HYOU1: variants seen among roughly 807,000 people sequenced by gnomAD.
The protein encoded by HYOU1 is hypoxia up-regulated protein 1.
In HYOU1, 40 loss-of-function variants were observed where a neutral mutation model predicts 120.5. The observed-to-expected ratio is 0.33, with a 90% CI of 0.26 to 0.43. The LOEUF is 0.43. Ranked by LOEUF, HYOU1 falls within the 20% of genes least tolerant of loss-of-function variation. HYOU1 has a pLI of 1.00. For missense variants in HYOU1, 1,085 were observed against 1,278.3 expected, an observed-to-expected ratio of 0.85 and a Z score of 2.31; for synonymous variants, 501 against 479.4, an observed-to-expected ratio of 1.05 and a Z score of -0.59.
chr11:119,053,172 T>G (rs1289201234), intron 8 of HYOU1: 12 of 246,582 alleles, frequency 4.9e-5, no homozygotes, highest in Non-Finnish European at 9.4e-5. Context: ...ACGTCACATG[T>G]TGTAAAGGTG....
Position 119,049,285 on chromosome 11 carries a change from G to A in HYOU1, c.1807-82C>T, listed in dbSNP as rs2133571673. ...CCTGGCTCGGCACCGCCGACCCCAT[G>A]GGGGTTCCATACAGGTGACTGCTGT... On this transcript the variant is annotated intron_variant, in intron 16 of 25. Transcript: ENST00000617285. The A allele has an allele frequency of 2.2e-5, 35 of 1,586,254 alleles. No homozygotes were observed. In the African/African-American group the frequency reaches 3.2e-4, roughly 15 times the overall value.
rs2133588289 is a variant in HYOU1 at position 119,051,845 on chromosome 11, G to A, written c.1312C>T (p.Arg438Ter). 1 of 1,614,172 alleles carries A rather than the reference G, an allele frequency of 6.2e-7. No individual in the cohort carries two copies. The highest frequency in any genetic ancestry group is 8.5e-7 in the Non-Finnish European group (1 of 1,180,038). The change falls in exon 12 of 26, where the codon CGA becomes TGA. Residue 438 changes from arginine to a stop codon, truncating the protein, a stop_gained. Transcript: ENST00000617285. LOFTEE classifies it high-confidence loss of function. This position sits in a 1 kb window ranked among gnomAD's most constrained non-coding sequence, Gnocchi z 4.2. ...AGGATGGGGTAGACCACTGCATCTC[G>A]GACGACAAATGGCTTCACTTTAAAG... is the stretch of plus-strand genomic sequence containing the variant. ...KAFKVKPFVVRDAVVYPILVE... is the reference protein window; with the variant it reads ...KAFKVKPFVV
rs1944010453 is a variant in HYOU1 at position 119,045,540 on chromosome 11, T to C, written c.*53A>G. 1.4e-6 allele frequency: 2 copies of C among 1,451,032 alleles called. No individual in the cohort carries two copies. The highest frequency in any genetic ancestry group is 1.4e-5 in the African/African-American group (1 of 71,700). The allele number at this position is 1,451,032 out of a possible 1,614,324, so 89.9% of individuals were successfully genotyped here. A position where few individuals can be genotyped will look rare whatever the true frequency, so the allele number is the denominator to read the frequency against. On this transcript the variant is annotated 3_prime_UTR_variant, in exon 26 of 26. Coordinates refer to ENST00000617285, the MANE Select transcript of HYOU1 (RefSeq NM_006389.5). Reference sequence around the variant, plus strand: ...CCCCCAACCCTCGATGTTAAATAAATAGAAGTGGTGGGGGAAGGGGGTGGA... The same window carrying C: ...CCCCCAACCCTCGATGTTAAATAAACAGAAGTGGTGGGGGAAGGGGGTGGA...
At chr11:119,054,963 G>A in intron 6 of HYOU1, 21 bp downstream of exon 6, 1 of 1,611,824 alleles carries the variant, frequency 6.2e-7, no homozygotes, top group South Asian at 1.1e-5. Flanking sequence ...TGGCCCTAAG[G>A]GCCCCACCTT....
In HYOU1 at chr11:119,054,581, G is replaced by A. The variant is rs200421260; in HGVS notation, c.591C>T (p.Leu197=). Residue 197 remains leucine (L), a synonymous_variant, in exon 7 of 26, where the codon CTC becomes CTT. Coordinates refer to ENST00000617285, the MANE Select transcript of HYOU1 (RefSeq NM_006389.5). ...TGTCATTGATGAGCTGCAGCACTTT[G>A]AGGCCAGCCATACGAGCAGCCTGCA... ...AVLQAARMAG[L]KVLQLINDNT... is the part of the protein sequence containing the mutation. The A allele has an allele frequency of 4.3e-6, 7 of 1,614,198 alleles. No individual in the cohort carries two copies. The East Asian group carries it at 1.3e-4, about 31-fold the overall frequency.
Position 119,046,556 on chromosome 11 carries a change from T to C in HYOU1, c.2836+6A>G. On this transcript the variant is annotated splice_donor_region_variant and intron_variant, in intron 23 of 25. Transcript: ENST00000617285. ...CAGAACATGCAGCCAGGTACCCTGT[T>C]CTCACCTGCTGGAGGGATGACCTTC... 6.2e-7 allele frequency: 1 copy of C among 1,613,862 alleles called. No homozygotes were observed. Among genetic ancestry groups the C allele is most frequent in the Middle Eastern group, 1.6e-4 (1 of 6,062 alleles).
chr11:119,056,290 C>G (rs1362247900), intron 1 of HYOU1, 123 bp from the exon 2 acceptor site: 1 of 745,568 alleles, frequency 1.3e-6, no homozygotes, highest in Non-Finnish European at 2.4e-6. Context: ...CAGGGCAGAT[C>G]AGCCTACTTC....
At chr11:119,047,502 G>A in intron 22 of HYOU1, 1 of 497,462 alleles carries the variant, frequency 2.0e-6, no homozygotes, top group East Asian at 3.7e-5. Context: ...CCTCAAAGCA[G>A]CTTTCTCTGT....
In HYOU1 at chr11:119,049,842, A is replaced by C; in HGVS notation, c.1666-5T>G. 2 of 1,613,630 alleles carry C rather than the reference A, an allele frequency of 1.2e-6. No homozygotes were observed. Among genetic ancestry groups the C allele is most frequent in the Non-Finnish European group, 1.7e-6 (2 of 1,179,564 alleles). ...TGTCTCAAATACAGACTCCACCTGAAAACAGGTTCAAAATGAAAAAATACA... is the reference window on the plus strand; with the variant it reads ...TGTCTCAAATACAGACTCCACCTGACAACAGGTTCAAAATGAAAAAATACA... On this transcript the variant is annotated splice_region_variant and splice_polypyrimidine_tract_variant and intron_variant, in intron 14 of 25. Transcript: ENST00000617285.
In HYOU1 at chr11:119,046,563, T is replaced by G; in HGVS notation, c.2835A>C (p.Ala945=). The G allele has an allele frequency of 6.2e-7, 1 of 1,613,846 alleles. No homozygotes were observed. Among genetic ancestry groups the G allele is most frequent in the Non-Finnish European group, 8.5e-7 (1 of 1,179,788 alleles). Residue 945 remains alanine (A), a splice_region_variant and synonymous_variant, in exon 23 of 26, where the codon GCA becomes GCC. Transcript: ENST00000617285. ...TGCAGCCAGGTACCCTGTTCTCACC[T>G]GCTGGAGGGATGACCTTCTCCCCCT... is the stretch of plus-strand genomic sequence containing the variant. The part of the protein sequence containing the change: ...SDQGEKVIPP[A]GQTEDAEPIS...
intron 16 of HYOU1, 44 bp from the exon 17 acceptor site, chr11:119,049,247 G>T: frequency 6.3e-7 from 1 of 1,590,646 alleles, no homozygotes. Context: ...CAGGAGCAGA[G>T]CCTCCAGGCA....
chr11:119,055,418 T>G lies in HYOU1; in HGVS notation c.264+75A>C. On this transcript the variant is annotated intron_variant, in intron 4 of 25. Coordinates refer to ENST00000617285, the MANE Select transcript of HYOU1 (RefSeq NM_006389.5). The surrounding 1 kb of genome is among the most constrained non-coding windows in gnomAD (Gnocchi z 4.0). ...CTACCTCTTACATCACAGAGACTGA[T>G]AAGGAAACAGACTCTGGGGGCTGCC... The G allele has an allele frequency of 1.4e-5, 22 of 1,607,912 alleles. No homozygotes were observed. Among genetic ancestry groups the G allele is most frequent in the Non-Finnish European group, 1.8e-5 (21 of 1,174,882 alleles).
rs2133590539 is a variant in HYOU1, at chr11:119,052,132, C to T, written c.1163G>A (p.Arg388Gln). The T allele has an allele frequency of 6.2e-7, 1 of 1,614,168 alleles. No homozygotes were observed. Among genetic ancestry groups the T allele is most frequent in the East Asian group, 2.2e-5 (1 of 44,880 alleles). ...EQVILVGGATRVPRVQEVLLK... is the reference protein window; with the variant it reads ...EQVILVGGATQVPRVQEVLLK... ...CAGCACCTCCTGAACTCTGGGGACC[C>T]GAGTGGCCCCACCCACCAGGATCAC... is the stretch of plus-strand genomic sequence containing the variant. The change falls in exon 11 of 26, where the codon CGG becomes CAG. Residue 388 changes from arginine (R) to glutamine (Q), a missense_variant. By Grantham distance (43) the Arg-to-Gln change is conservative (BLOSUM62 1). Around this residue, in one of 4 missense-constraint regions of HYOU1, gnomAD observed 515 missense variants for 677.8 expected, o/e 0.76. Coordinates refer to ENST00000617285, the MANE Select transcript of HYOU1 (RefSeq NM_006389.5). This position sits in a 1 kb window ranked among gnomAD's most constrained non-coding sequence, Gnocchi z 5.0.
chr11:119,049,727 C>A (rs2133575005), intron 15 of HYOU1, 50 bp downstream of exon 15: 2 of 1,608,836 alleles, frequency 1.2e-6, no homozygotes, highest in Admixed American at 1.7e-5. Context: ...ACCTCCCCAA[C>A]CTTCACACAA....
chr11:119,046,788 T>G lies in HYOU1; in HGVS notation c.2610A>C (p.Ala870=), dbSNP rs1944105892. 1 of 1,600,330 alleles carries G rather than the reference T, an allele frequency of 6.2e-7. No homozygotes were observed. The highest frequency in any genetic ancestry group is 8.5e-7 in the Non-Finnish European group (1 of 1,179,940). ...VINETWAWKN[A]TLAEQAKLPA... is the part of the protein sequence containing the mutation. ...GCAGCTTAGCCTGCTCGGCCAGAGT[T>G]GCATTCTTCCAGGCCTGTGGGTGAG... The change falls in exon 23 of 26, where the codon GCA becomes GCC. Residue 870 remains alanine (A), a synonymous_variant. Transcript: ENST00000617285.
intron 8 of HYOU1, chr11:119,053,130 T>G: frequency 2.9e-6 from 1 of 341,314 alleles, no homozygotes; most frequent in Non-Finnish European, 5.3e-6. Context: ...TATGGAAAAG[T>G]TGAATAATCA....
At position 119,048,150 on chromosome 11, in the gene HYOU1, T is replaced by C. The variant is rs2133561546; in HGVS notation, c.2377-70A>G. On this transcript the variant is annotated intron_variant, in intron 20 of 25. Coordinates refer to ENST00000617285, the MANE Select transcript of HYOU1 (RefSeq NM_006389.5). This position sits in a 1 kb window ranked among gnomAD's most constrained non-coding sequence, Gnocchi z 4.7. ...AGAGCCTGGAGTCAGCCCCATGTCC[T>C]TCTTTATGGGCTCAAGCCCCAGCTC... is the stretch of plus-strand genomic sequence containing the variant. The C allele has an allele frequency of 6.2e-7, 1 of 1,611,516 alleles. No individual in the cohort carries two copies. The highest frequency in any genetic ancestry group is 1.1e-5 in the South Asian group (1 of 91,010).
chr11:119,049,284 T>C (rs959140066), intron 16 of HYOU1, 81 bp from the exon 17 acceptor site: 5 of 1,586,978 alleles, frequency 3.2e-6, no homozygotes, highest in Admixed American at 3.5e-5. Context: ...GCCGACCCCA[T>C]GGGGGTTCCA....
Position 119,049,602 on chromosome 11 carries a change from C to A in HYOU1, c.1760G>T (p.Gly587Val). 5 of 1,614,162 alleles carry A rather than the reference C, an allele frequency of 3.1e-6. No individual in the cohort carries two copies. Among genetic ancestry groups the A allele is most frequent in the Non-Finnish European group, 4.2e-6 (5 of 1,180,026 alleles). The change falls in exon 16 of 26, where the codon GGC (glycine) becomes GTC (valine). Residue 587 changes from glycine to valine, a missense_variant. By Grantham distance (109) the Gly-to-Val change is moderately radical. Around this residue, in one of 4 missense-constraint regions of HYOU1, gnomAD observed 516 missense variants for 517.1 expected, o/e 1.00. Transcript: ENST00000617285. ...CTCCTTGGCATCTGGTGTGGTACCG[C>A]CTCCAAACAGGCTGGAAATGGTGTT... ...LGNTISSLFG[G>V]GTTPDAKENG...
Sources: allele counts gnomAD v4.1 joint callset, GRCh38; gene constraint gnomAD v4.1.1; regional missense constraint gnomAD v4.1.1; non-coding constraint Gnocchi (gnomAD v3.1); transcripts MANE v1.5; gene names NCBI Gene and HGNC (gene_info 2026-07-23, HGNC 2026-07-21).